The following SLCO1B3 variants were observed in gnomAD, a reference collection of about 807,000 sequenced individuals.
SLCO1B3 encodes solute carrier organic anion transporter family member 1B3.
In SLCO1B3, 72 loss-of-function variants were observed where a neutral mutation model predicts 71.8. That is an observed-to-expected ratio of 1.00 (90% CI 0.83 to 1.22). The LOEUF (loss-of-function observed/expected upper bound fraction) is 1.22. SLCO1B3 is among the 50% of genes most tolerant of loss of function. SLCO1B3 has a pLI of 0.00. For synonymous variants in SLCO1B3, 298 were observed against 278.4 expected (o/e 1.07, Z -0.70); for missense variants, 911 against 819.7 (o/e 1.11, Z -1.36).
At position 20,850,577 on chromosome 12, in the gene SLCO1B3, C is replaced by T. The variant is rs371921063; in HGVS notation, c.85-4451C>T. Among the ~76,000 whole-genome samples, 190 of 152,250 alleles carry T rather than the reference C, an allele frequency of 1.2e-3. 2 individuals are homozygous for T. The South Asian group carries it at 0.024, about 20-fold the overall frequency. On this transcript the variant is annotated intron_variant, in intron 3 of 15. Coordinates refer to ENST00000381545, the MANE Select transcript of SLCO1B3 (RefSeq NM_019844.4). ...GAATATAGGCGTAAGCCACCATGCC[C>T]GGCCGATGTACAGATTATTTTATCA... is the stretch of plus-strand genomic sequence containing the variant.
chr12:20,903,749 C>G (rs988046314), intron 15 of SLCO1B3, among the ~76,000 whole-genome samples: 3 of 152,268 alleles, frequency 2.0e-5, no homozygotes, highest in Non-Finnish European at 2.9e-5. Context: ...GGCAGAGACA[C>G]AAACCCAAAC....
intron 15 of SLCO1B3, among the ~76,000 whole-genome samples, chr12:20,910,827 A>T (rs1866358703): frequency 6.6e-6 from 1 of 152,126 alleles, no homozygotes; most frequent in African/African-American, 2.4e-5. Context: ...ACTTGTTATA[A>T]CTGCTTATTA....
At chr12:20,909,169 T>TC (rs1866315532) in intron 15 of SLCO1B3, among the ~76,000 whole-genome samples, 1 of 146,926 alleles carries the variant, frequency 6.8e-6, no homozygotes, top group Admixed American at 6.8e-5. Context: ...CTTTTTCTTT[T>TC]TTTTTTTTTT....
intron 5 of SLCO1B3, among the ~76,000 whole-genome samples, chr12:20,860,254 C>T (rs1282647942): frequency 6.6e-6 from 1 of 152,090 alleles, no homozygotes; most frequent in Non-Finnish European, 1.5e-5. Context: ...CGCGCCCAGC[C>T]CCTGATCATT....
chr12:20,880,982 G>A lies in SLCO1B3; in HGVS notation c.1459G>A (p.Ala487Thr). Residue 487 changes from alanine (A) to threonine (T), a missense_variant, in exon 12 of 16, where the codon GCA becomes ACA. Coordinates refer to ENST00000381545, the MANE Select transcript of SLCO1B3 (RefSeq NM_019844.4). ...NGITYLSPCL[A>T]GCKSSSGIKK... The stretch of plus-strand genomic sequence containing the variant: ...AATAACTTACCTGTCACCTTGTCTA[G>A]CAGGATGCAAATCCTCAAGTGGTAT... 1 of 1,611,914 alleles carries A rather than the reference G, an allele frequency of 6.2e-7. No individual in the cohort carries two copies. The highest frequency in any genetic ancestry group is 1.1e-5 in the South Asian group (1 of 90,860).
At chr12:20,859,978 A>G (rs1865223494) in intron 5 of SLCO1B3, among the ~76,000 whole-genome samples, 1 of 123,070 alleles carries the variant, frequency 8.1e-6, no homozygotes, top group Non-Finnish European at 1.6e-5. Context: ...TTTTTTTGAG[A>G]CGGAGTCTCG....
intron 15 of SLCO1B3, 62 bp downstream of exon 15, chr12:20,901,529 A>G: frequency 1.2e-6 from 1 of 831,374 alleles, no homozygotes; most frequent in East Asian, 2.7e-5. Flanking sequence ...AATGTCTAAG[A>G]TATAGCATTT....
intron 13 of SLCO1B3, among the ~76,000 whole-genome samples, chr12:20,885,025 C>A (rs1035931239): frequency 8.6e-5 from 13 of 152,016 alleles, no homozygotes; most frequent in African/African-American, 3.1e-4. Flanking sequence ...ACTAGTTTGC[C>A]TCTCAACATG....
chr12:20,895,967 G>A lies in SLCO1B3; in HGVS notation c.1683-2469G>A, dbSNP rs531618946. ...TCAACACCACATGGAAGCTGCCAAG[G>A]CTTGGGGCTTGCACCATGTGAAGGC... On this transcript the variant is annotated intron_variant, in intron 13 of 15. Transcript: ENST00000381545. 7.9e-5 allele frequency among the ~76,000 whole-genome samples: 12 copies of A among 152,280 alleles called. No individual in the cohort carries two copies. The South Asian group carries it at 1.9e-3, about 24-fold the overall frequency.
chr12:20,897,063 C>T (rs2417886), intron 13 of SLCO1B3, among the ~76,000 whole-genome samples: 21,108 of 152,148 alleles, frequency 0.14, 1,571 homozygotes, highest in Middle Eastern at 0.23. Context: ...TCCCACAACA[C>T]GTGGGTATTA....
intron 3 of SLCO1B3, among the ~76,000 whole-genome samples, chr12:20,827,083 G>A (rs1053854563): frequency 1.3e-5 from 2 of 152,032 alleles, no homozygotes; most frequent in African/African-American, 4.8e-5. Flanking sequence ...TCAAAAGTTA[G>A]CTGTTTTATT....
rs930924282 is a variant in SLCO1B3 at position 20,851,033 on chromosome 12, G to A, written c.85-3995G>A. Among the ~76,000 whole-genome samples, 12 of 152,224 alleles carry A rather than the reference G, an allele frequency of 7.9e-5. No individual in the cohort carries two copies. In the South Asian group the frequency reaches 1.9e-3, roughly 24 times the overall value. On this transcript the variant is annotated intron_variant, in intron 3 of 15. Coordinates refer to ENST00000381545, the MANE Select transcript of SLCO1B3 (RefSeq NM_019844.4). ...TGAGATGATATCTCATTGTGGTTTT[G>A]ATTTGCATTATCATATTTTATTTAT...
intron 3 of SLCO1B3, 104 bp downstream of exon 3, chr12:20,815,926 A>G: frequency 1.8e-6 from 1 of 554,466 alleles, no homozygotes; most frequent in Admixed American, 3.5e-5. Context: ...TCATATTACA[A>G]TTTTTCCATT....
chr12:20,897,261 T>C (rs1252710578), intron 13 of SLCO1B3, among the ~76,000 whole-genome samples: 1 of 152,240 alleles, frequency 6.6e-6, no homozygotes, highest in Non-Finnish European at 1.5e-5. Flanking sequence ...TAGATTTAAC[T>C]TTCAATGTAT....
In SLCO1B3 at chr12:20,916,365, A is replaced by C; in HGVS notation, c.*118A>C. 1.1e-6 allele frequency: 1 copy of C among 951,666 alleles called. No homozygotes were observed. Among genetic ancestry groups the C allele is most frequent in the Non-Finnish European group, 1.6e-6 (1 of 634,814 alleles). The allele number at this position is 951,666 out of a possible 1,614,324, so 59.0% of individuals were successfully genotyped here. The stretch of plus-strand genomic sequence containing the variant: ...TAAGTCTATGCATCTATAATAAACT[A>C]TAAAAAATGGGAGTACCCATGGTTA... On this transcript the variant is annotated 3_prime_UTR_variant, in exon 16 of 16. Transcript: ENST00000381545.
chr12:20,857,307 C>G (rs902908773), intron 4 of SLCO1B3, among the ~76,000 whole-genome samples: 1 of 152,072 alleles, frequency 6.6e-6, no homozygotes, highest in African/African-American at 2.4e-5. Context: ...ACGTCTTCCT[C>G]TAACACAAAA....
intron 3 of SLCO1B3, among the ~76,000 whole-genome samples, chr12:20,819,829 G>T (rs943925087): frequency 3.3e-5 from 5 of 152,116 alleles, no homozygotes; most frequent in African/African-American, 1.2e-4. Context: ...ACCAAGGAGG[G>T]AGTAGAGGTA....
intron 3 of SLCO1B3, among the ~76,000 whole-genome samples, chr12:20,837,612 TG>T (rs1291985484): frequency 1.3e-5 from 2 of 152,158 alleles, no homozygotes; most frequent in East Asian, 3.8e-4. Context: ...TCTACATATT[TG>T]GGGATTTTTC....
At chr12:20,828,777 T>C (rs1169894699) in intron 3 of SLCO1B3, among the ~76,000 whole-genome samples, 1 of 152,132 alleles carries the variant, frequency 6.6e-6, no homozygotes, top group African/African-American at 2.4e-5. Context: ...AAACTGCTGA[T>C]ATTTCAAAAG....
Sources: allele counts gnomAD v4.1 joint callset (sites outside exome capture counted in the v4.1 genomes callset), GRCh38; gene constraint gnomAD v4.1.1; transcripts MANE v1.5; gene names NCBI Gene and HGNC (gene_info 2026-07-23, HGNC 2026-07-21).